The following NAPA variants were observed in gnomAD, a reference collection of about 807,000 sequenced individuals.
NAPA encodes alpha-soluble NSF attachment protein.
In NAPA, 18 loss-of-function variants were observed where a neutral mutation model predicts 48.0. The observed-to-expected ratio is 0.38, with a 90% confidence interval of 0.26 to 0.56. The LOEUF (loss-of-function observed/expected upper bound fraction) is 0.56. Ranked by LOEUF, NAPA falls within the 20% of genes least tolerant of loss-of-function variation. NAPA has a pLI of 0.77. For synonymous variants in NAPA, 152 were observed against 149.9 expected (o/e 1.01, Z -0.10); for missense variants, 315 against 385.0 (o/e 0.82, Z 1.52).
chr19:47,513,710 G>C (rs1408511399), intron 1 of NAPA, among the ~76,000 whole-genome samples: 1 of 151,494 alleles, frequency 6.6e-6, no homozygotes, highest in Non-Finnish European at 1.5e-5. Context: ...TTGATCCCCC[G>C]TTTTGGTTCT....
chr19:47,502,462 A>G (rs1233905435), intron 2 of NAPA, among the ~76,000 whole-genome samples: 1 of 152,090 alleles, frequency 6.6e-6, no homozygotes, highest in African/African-American at 2.4e-5. Context: ...TTCACAACGT[A>G]TTTTGTGAAA....
At chr19:47,488,734 A>ACG (rs1968155099) in intron 10 of NAPA, 1 of 157,886 alleles carries the variant, frequency 6.3e-6, no homozygotes, top group African/African-American at 2.4e-5. Flanking sequence ...CCTGGCTAAC[A>ACG]GTGAAACCCC....
At chr19:47,513,548 A>G (rs1968844619) in intron 1 of NAPA, among the ~76,000 whole-genome samples, 1 of 152,090 alleles carries the variant, frequency 6.6e-6, no homozygotes, top group East Asian at 1.9e-4. Flanking sequence ...AGCCACTACA[A>G]TTTATCACAG....
rs1599916092 is a variant in NAPA at position 47,506,557 on chromosome 19, GCA to G, written c.99-3057_99-3056del. 1.3e-5 allele frequency among the ~76,000 whole-genome samples: 2 copies of G among 152,206 alleles called. No homozygotes were observed. Among genetic ancestry groups the G allele is most frequent in the African/African-American group, 4.8e-5 (2 of 41,464 alleles). The stretch of plus-strand genomic sequence containing the variant: ...CCAGCTCCATGCACTCTCTGAAAAA[GCA>G]CAGACCCTGGATGGGCAGAAATGAC... On this transcript the variant is annotated intron_variant, in intron 1 of 10. Transcript: ENST00000263354. This position sits in a 1 kb window ranked among gnomAD's most constrained non-coding sequence, Gnocchi z 4.0.
chr19:47,493,428 C>T lies in NAPA; in HGVS notation c.408G>A (p.Val136=). ...SIAEIYETEL[V]DIEKAIAHYE... is the part of the protein sequence containing the mutation. ...TGCTGCCACTCACCTTCTCGATGTCCACCAACTCTGTCTCATAGATCTCAG... is the reference window on the plus strand; with the variant it reads ...TGCTGCCACTCACCTTCTCGATGTCTACCAACTCTGTCTCATAGATCTCAG... Residue 136 remains valine, a synonymous_variant, in exon 5 of 11, where the codon GTG becomes GTA. Transcript: ENST00000263354. The surrounding 1 kb of genome is among the most constrained non-coding windows in gnomAD (Gnocchi z 6.4). The T allele has an allele frequency of 1.9e-6, 3 of 1,614,042 alleles. No individual in the cohort carries two copies. Among genetic ancestry groups the T allele is most frequent in the South Asian group, 2.2e-5 (2 of 91,074 alleles).
In NAPA at chr19:47,503,506, G is replaced by C; in HGVS notation, c.99-4C>G. ...TTCCTCTATTTTGGATGAGCCTCTG[G>C]GGAAAAAGGAAAGAAAAAAAGGAGA... is the stretch of plus-strand genomic sequence containing the variant. On this transcript the variant is annotated splice_region_variant and splice_polypyrimidine_tract_variant and intron_variant, in intron 1 of 10. Transcript: ENST00000263354. The C allele has an allele frequency of 1.9e-6, 3 of 1,613,888 alleles. No homozygotes were observed. Among genetic ancestry groups the C allele is most frequent in the Non-Finnish European group, 2.5e-6 (3 of 1,179,762 alleles).
chr19:47,501,582 GA>G (rs1968577529), intron 2 of NAPA: 1 of 152,292 alleles, frequency 6.6e-6, no homozygotes, highest in Non-Finnish European at 1.5e-5. Flanking sequence ...CAGCAAGAAT[GA>G]ATACATGCAG....
chr19:47,485,446 G>A (rs190464013), downstream of NAPA, among the ~76,000 whole-genome samples: 1 of 152,244 alleles, frequency 6.6e-6, no homozygotes, highest in Admixed American at 6.5e-5. Flanking sequence ...TCCCTAGAAG[G>A]CCATGGAGGT....
intron 8 of NAPA, among the ~76,000 whole-genome samples, 183 bp downstream of exon 8, chr19:47,491,832 G>T (rs1968273923): frequency 6.6e-6 from 1 of 152,232 alleles, no homozygotes; most frequent in Non-Finnish European, 1.5e-5. Flanking sequence ...TCCAGGGCTG[G>T]GTGGGCAGGT....
intron 1 of NAPA, among the ~76,000 whole-genome samples, chr19:47,513,846 CTTTT>C (rs776314156): frequency 5.2e-5 from 6 of 115,848 alleles, no homozygotes; most frequent in Admixed American, 1.8e-4. Context: ...TTCTTTCTTT[CTTTT>C]TTTTTTTTTT....
rs779668437 is a variant in NAPA, at chr19:47,490,808, G to A, written c.715C>T (p.Arg239Trp). 1.4e-5 allele frequency: 23 copies of A among 1,613,530 alleles called. No homozygotes were observed. The highest frequency in any genetic ancestry group is 2.2e-5 in the South Asian group (2 of 90,986). ...EELFPAFSDS[R>W]ECKLMKKLLE... is the part of the protein sequence containing the mutation. ...CTTACTTTCATCAACTTGCATTCCC[G>A]GGAATCAGAGAAAGCTGGGAACAGC... Residue 239 changes from arginine to tryptophan, a missense_variant, in exon 9 of 11, where the codon CGG becomes TGG. Arg to Trp is a moderately radical substitution (Grantham distance 101). Around this residue, in one of 3 missense-constraint regions of NAPA, gnomAD observed 137 missense variants for 150.1 expected, o/e 0.91. Coordinates refer to ENST00000263354, the MANE Select transcript of NAPA (RefSeq NM_003827.4).
chr19:47,493,448 T>G lies in NAPA; in HGVS notation c.388A>C (p.Ile130Leu), dbSNP rs769356993. The G allele has an allele frequency of 9.2e-5, 149 of 1,613,840 alleles. No homozygotes were observed. The highest frequency in any genetic ancestry group is 1.2e-4 in the Non-Finnish European group (139 of 1,179,968). Residue 130 changes from isoleucine to leucine, a missense_variant, in exon 5 of 11, where the codon ATC becomes CTC. Transcript: ENST00000263354. The surrounding 1 kb of genome is among the most constrained non-coding windows in gnomAD (Gnocchi z 6.4). ...ATGTCCACCAACTCTGTCTCATAGA[T>G]CTCAGCAATGGAGATGTGGTGCTTG... ...AAKHHISIAE[I>L]YETELVDIEK...
chr19:47,492,969 A>G lies in NAPA; in HGVS notation c.553T>C (p.Tyr185His), dbSNP rs368207686. 1 of 1,613,980 alleles carries G rather than the reference A, an allele frequency of 6.2e-7. No individual in the cohort carries two copies. The highest frequency in any genetic ancestry group is 1.3e-5 in the African/African-American group (1 of 74,900). ...TCCCCACCTGTCCCCACCTGTTCGT[A>G]GATGTCAATGGCCTTCTGATACTGC... is the stretch of plus-strand genomic sequence containing the variant. ...LEQYQKAIDI[Y>H]EQVGTNAMDS... The change falls in exon 7 of 11, where the codon TAC becomes CAC. Residue 185 changes from tyrosine to histidine, a missense_variant. Coordinates refer to ENST00000263354, the MANE Select transcript of NAPA (RefSeq NM_003827.4).
chr19:47,498,422 C>T (rs191311602), intron 3 of NAPA, among the ~76,000 whole-genome samples: 10 of 152,292 alleles, frequency 6.6e-5, no homozygotes, highest in Admixed American at 2.6e-4. Context: ...CCAGGTGCCG[C>T]GCTGGGCATG....
intron 10 of NAPA, chr19:47,489,084 G>A (rs1968169812): frequency 6.5e-6 from 1 of 152,926 alleles, no homozygotes; most frequent in Non-Finnish European, 1.5e-5. Flanking sequence ...CACTGTCTGG[G>A]GCAGGAGGAA....
chr19:47,484,850 C>T (rs903473147), downstream of NAPA, among the ~76,000 whole-genome samples: 1 of 151,924 alleles, frequency 6.6e-6, no homozygotes, highest in Non-Finnish European at 1.5e-5. Flanking sequence ...ATTACAGGCG[C>T]CACCACACCT....
intron 10 of NAPA, chr19:47,489,321 C>T (rs1203823000): frequency 7.6e-5 from 18 of 236,236 alleles, no homozygotes; most frequent in Non-Finnish European, 8.5e-5. Context: ...GCTCCACTCT[C>T]CTTCTCACCC....
intron 7 of NAPA, 199 bp from the exon 8 acceptor site, chr19:47,492,318 G>C (rs907021541): frequency 1.1e-5 from 6 of 559,380 alleles, no homozygotes; most frequent in African/African-American, 1.9e-5. Context: ...CCAAGATCAG[G>C]GTGTGATGGT....
At chr19:47,490,319 AGT>A (rs1009922716) in intron 9 of NAPA, among the ~76,000 whole-genome samples, 15 of 109,282 alleles carry the variant, frequency 1.4e-4, no homozygotes, top group Admixed American at 7.4e-4. Context: ...GTGTGTGTGT[AGT>A]GTGTGTGCGA....
Sources: allele counts gnomAD v4.1 joint callset (sites outside exome capture counted in the v4.1 genomes callset), GRCh38; gene constraint gnomAD v4.1.1; regional missense constraint gnomAD v4.1.1; non-coding constraint Gnocchi (gnomAD v3.1); transcripts MANE v1.5; gene names NCBI Gene and HGNC (gene_info 2026-07-23, HGNC 2026-07-21).